Variants in RASSF8 observed in about 807,000 individuals in gnomAD.
The protein encoded by RASSF8 is Ras association domain family member 8.
In RASSF8, 22 loss-of-function variants were observed where a neutral mutation model predicts 48.5. That is an observed-to-expected ratio of 0.45 (90% CI 0.32 to 0.65). The LOEUF is 0.65. Among genes scored for constraint, RASSF8 ranks in the 30% least tolerant of loss-of-function variants. The pLI, the probability that RASSF8 is intolerant of heterozygous loss-of-function variation, is 0.03. For synonymous variants in RASSF8, 127 were observed against 171.5 expected, an observed-to-expected ratio of 0.74 and a Z score of 2.03; for missense variants, 418 against 489.2, an observed-to-expected ratio of 0.85 and a Z score of 1.37.
intron 1 of RASSF8, among the ~76,000 whole-genome samples, chr12:25,979,557 T>G (rs1019459151): frequency 6.6e-6 from 1 of 152,192 alleles, no homozygotes; most frequent in Admixed American, 6.5e-5. Context: ...GCACTTCACA[T>G]GTATTAACTT....
chr12:26,019,606 TGTGTGTGTC>T (rs1386835546), intron 2 of RASSF8, among the ~76,000 whole-genome samples: 1 of 140,202 alleles, frequency 7.1e-6, no homozygotes, highest in Non-Finnish European at 1.5e-5. Context: ...TGTGTGTGTC[TGTGTGTGTC>T]TGTGTGTATA....
intron 2 of RASSF8, among the ~76,000 whole-genome samples, chr12:26,008,954 A>G (rs1287515301): frequency 6.6e-6 from 1 of 152,176 alleles, no homozygotes; most frequent in Non-Finnish European, 1.5e-5. Flanking sequence ...ATATATCTGT[A>G]TATTCACAGA....
chr12:26,037,993 T>C (rs1025363498), intron 2 of RASSF8, among the ~76,000 whole-genome samples: 2 of 152,250 alleles, frequency 1.3e-5, no homozygotes, highest in Non-Finnish European at 2.9e-5. Flanking sequence ...GTGCCTGTGC[T>C]GTGTGTATTT....
intron 2 of RASSF8, among the ~76,000 whole-genome samples, chr12:26,028,345 C>T (rs557407661): frequency 6.6e-6 from 1 of 152,176 alleles, no homozygotes; most frequent in African/African-American, 2.4e-5. Context: ...TGTGTGATAA[C>T]CTTATTTGCC....
At chr12:26,035,858 TATA>T (rs71435686) in intron 2 of RASSF8, among the ~76,000 whole-genome samples, 12,535 of 145,148 alleles carry the variant, frequency 0.086, 921 homozygotes, top group East Asian at 0.26. Flanking sequence ...TTATATAAAA[TATA>T]ATAAAATTAT....
At chr12:25,971,525 T>C (rs1188377554) in intron 1 of RASSF8, among the ~76,000 whole-genome samples, 2 of 152,144 alleles carry the variant, frequency 1.3e-5, no homozygotes, top group Non-Finnish European at 2.9e-5. Context: ...TGCTTGTACT[T>C]CATCCTTTGC....
At chr12:26,051,280 A>G (rs1387900748) in intron 2 of RASSF8, among the ~76,000 whole-genome samples, 1 of 152,222 alleles carries the variant, frequency 6.6e-6, no homozygotes, top group Non-Finnish European at 1.5e-5. Context: ...CAATTGCCAA[A>G]TACTTAAGTG....
At position 26,070,535 on chromosome 12, in the gene RASSF8, T is replaced by C; in HGVS notation, c.*1717T>C. 2.0e-6 allele frequency: 2 copies of C among 983,308 alleles called. No individual in the cohort carries two copies. The highest frequency in any genetic ancestry group is 2.4e-6 in the Non-Finnish European group (2 of 827,984). The allele number at this position is 983,308 out of a possible 1,614,324, so 60.9% of individuals were successfully genotyped here. On this transcript the variant is annotated 3_prime_UTR_variant, in exon 6 of 6. Coordinates refer to ENST00000689635, the MANE Select transcript of RASSF8 (RefSeq NM_001394098.1). ...TTTGCAAATAACTGAAGTAAATGATTCTTACCTAAATAACCACAACCTGTA... is the reference window on the plus strand; with the variant it reads ...TTTGCAAATAACTGAAGTAAATGATCCTTACCTAAATAACCACAACCTGTA...
intron 2 of RASSF8, among the ~76,000 whole-genome samples, chr12:26,009,241 AT>A (rs758130126): frequency 7.9e-5 from 12 of 152,326 alleles, no homozygotes; most frequent in Middle Eastern, 3.4e-3. Flanking sequence ...TCATGATGGA[AT>A]TTTGTGCTTT....
chr12:26,018,564 A>G (rs1257986763), intron 2 of RASSF8, among the ~76,000 whole-genome samples: 1 of 152,218 alleles, frequency 6.6e-6, no homozygotes, highest in South Asian at 2.1e-4. Context: ...TTGTCAGGAA[A>G]CAACACTTAC....
Position 26,072,083 on chromosome 12 carries a change from G to T in RASSF8, c.*3265G>T. On this transcript the variant is annotated 3_prime_UTR_variant, in exon 6 of 6. Coordinates refer to ENST00000689635, the MANE Select transcript of RASSF8 (RefSeq NM_001394098.1). ...TTGATTTCAGGCATGCAAAGTGCTT[G>T]GGCAGATGGACAGTTCCCATTGTGC... is the stretch of plus-strand genomic sequence containing the variant. 6.1e-6 allele frequency: 6 copies of T among 985,336 alleles called. No homozygotes were observed. The highest frequency in any genetic ancestry group is 4.8e-6 in the Non-Finnish European group (4 of 829,872). The allele number at this position is 985,336 out of a possible 1,614,324, so 61.0% of individuals were successfully genotyped here. A position where few individuals can be genotyped will look rare whatever the true frequency, so the allele number is the denominator to read the frequency against.
At chr12:26,017,739 A>T (rs757885563) in intron 2 of RASSF8, among the ~76,000 whole-genome samples, 1 of 152,262 alleles carries the variant, frequency 6.6e-6, no homozygotes, top group Admixed American at 6.5e-5. Flanking sequence ...GGAAGCCCCC[A>T]TGCCACAGGA....
intron 2 of RASSF8, among the ~76,000 whole-genome samples, chr12:26,038,658 T>C (rs1943202712): frequency 8.5e-6 from 1 of 117,868 alleles, no homozygotes; most frequent in African/African-American, 2.9e-5. Context: ...CACACACACT[T>C]TTAAAAGGGA....
chr12:26,079,114 C>A, exon 6 of RASSF8: 1 of 1,418,110 alleles, frequency 7.1e-7, no homozygotes, highest in Non-Finnish European at 9.6e-7. Context: ...CAAAAATGAA[C>A]AAGTGGGACT....
intron 2 of RASSF8, among the ~76,000 whole-genome samples, chr12:26,019,134 T>C (rs532648350): frequency 1.4e-4 from 22 of 152,260 alleles, no homozygotes; most frequent in African/African-American, 4.8e-4. Context: ...CCTTGGAGAG[T>C]GTCTCTATTA....
At chr12:26,078,129 A>C (rs1944087337) in intron 5 of RASSF8, among the ~76,000 whole-genome samples, 1 of 152,334 alleles carries the variant, frequency 6.6e-6, no homozygotes, top group East Asian at 1.9e-4. Flanking sequence ...TGTAGTAGAC[A>C]CTGGAGATAT....
intron 1 of RASSF8, among the ~76,000 whole-genome samples, chr12:25,977,847 A>G (rs16929807): frequency 0.056 from 8,467 of 152,290 alleles, 345 homozygotes; most frequent in African/African-American, 0.12. Flanking sequence ...AGTCTGTGGA[A>G]TTCCTAGTGA....
chr12:26,063,147 A>T (rs563820175), intron 3 of RASSF8, among the ~76,000 whole-genome samples: 40 of 152,334 alleles, frequency 2.6e-4, no homozygotes, highest in South Asian at 2.3e-3. Flanking sequence ...CAGGAAGGTA[A>T]ATCAATCAAT....
At chr12:26,009,311 A>C (rs1475397436) in intron 2 of RASSF8, among the ~76,000 whole-genome samples, 1 of 152,220 alleles carries the variant, frequency 6.6e-6, no homozygotes, top group African/African-American at 2.4e-5. Flanking sequence ...TACCTACAGG[A>C]GCACAGACCT....
Sources: allele counts gnomAD v4.1 joint callset (sites outside exome capture counted in the v4.1 genomes callset), GRCh38; gene constraint gnomAD v4.1.1; transcripts MANE v1.5; gene names NCBI Gene and HGNC (gene_info 2026-07-23, HGNC 2026-07-21).